Variants in LRRC7 observed in about 807,000 individuals in gnomAD.
LRRC7 encodes the protein leucine-rich repeat-containing protein 7.
In LRRC7, 23 loss-of-function variants were observed where a neutral mutation model predicts 175.7. That is an observed-to-expected ratio of 0.13 (90% CI 0.09 to 0.19). The LOEUF (loss-of-function observed/expected upper bound fraction) is 0.19, where lower values mean the gene tolerates loss of function less well. Ranked by LOEUF, LRRC7 falls within the 10% of genes least tolerant of loss-of-function variation. LRRC7 has a pLI of 1.00. For synonymous variants in LRRC7, 685 were observed against 680.9 expected (o/e 1.01, Z -0.09); for missense variants, 1,354 against 1,904.7 (o/e 0.71, Z 5.38).
intron 25 of LRRC7, among the ~76,000 whole-genome samples, chr1:70,094,691 C>A (rs926959000): frequency 9.9e-5 from 15 of 152,074 alleles, no homozygotes; most frequent in East Asian, 5.8e-4. Flanking sequence ...AAAGAAGGAC[C>A]CTTAGACATG....
chr1:69,680,075 C>A (rs1247593769), intron 2 of LRRC7, among the ~76,000 whole-genome samples: 1 of 152,112 alleles, frequency 6.6e-6, no homozygotes, highest in Non-Finnish European at 1.5e-5. Flanking sequence ...GAACCCTGGT[C>A]CAGGCCAGTG....
chr1:69,640,575 T>A (rs933065368), intron 1 of LRRC7, among the ~76,000 whole-genome samples: 17 of 150,814 alleles, frequency 1.1e-4, no homozygotes, highest in Non-Finnish European at 3.0e-5. Context: ...ATTATGTTAA[T>A]ATAAATAAAT....
intron 15 of LRRC7, among the ~76,000 whole-genome samples, chr1:70,020,425 C>T (rs1283410164): frequency 6.6e-6 from 1 of 151,950 alleles, no homozygotes; most frequent in Non-Finnish European, 1.5e-5. Flanking sequence ...ACAAGCTCCC[C>T]TCATTGACCC....
At chr1:70,107,702 G>T in intron 25 of LRRC7, 50 bp from the exon 26 acceptor site, 1 of 1,371,240 alleles carries the variant, frequency 7.3e-7, no homozygotes, top group Non-Finnish European at 1.0e-6. Flanking sequence ...GTTTAAGTAG[G>T]CCTGGTTCTT....
chr1:69,693,732 G>A (rs1360423292), intron 2 of LRRC7, among the ~76,000 whole-genome samples: 1 of 152,154 alleles, frequency 6.6e-6, no homozygotes, highest in Admixed American at 6.5e-5. Context: ...CACAAAATTA[G>A]CATCACAAGT....
intron 1 of LRRC7, among the ~76,000 whole-genome samples, chr1:69,593,275 TAAAG>T (rs1209407583): frequency 1.3e-5 from 2 of 152,018 alleles, no homozygotes; most frequent in South Asian, 2.1e-4. Flanking sequence ...TCGTGAAAAA[TAAAG>T]TAAGGTCATG....
intron 8 of LRRC7, among the ~76,000 whole-genome samples, chr1:69,933,096 C>T (rs1242469848): frequency 3.9e-5 from 6 of 152,176 alleles, no homozygotes; most frequent in Non-Finnish European, 7.4e-5. Context: ...GTGATGGGCC[C>T]TCACCAGCCA....
chr1:70,068,009 G>A (rs528760422), intron 23 of LRRC7, among the ~76,000 whole-genome samples: 2 of 152,108 alleles, frequency 1.3e-5, no homozygotes, highest in South Asian at 4.1e-4. Context: ...AGATTTTTTG[G>A]TTGTTGATTC....
chr1:70,075,637 C>T (rs956106130), intron 23 of LRRC7, among the ~76,000 whole-genome samples: 2 of 152,134 alleles, frequency 1.3e-5, no homozygotes, highest in African/African-American at 2.4e-5. Context: ...CTCATCTGAA[C>T]AAACTTACTT....
At chr1:69,754,378 A>C (rs868796740) in intron 2 of LRRC7, among the ~76,000 whole-genome samples, 1 of 152,028 alleles carries the variant, frequency 6.6e-6, no homozygotes, top group Non-Finnish European at 1.5e-5. Context: ...TGTTTAGGGT[A>C]TTTAATGTTT....
At chr1:69,995,880 T>C (rs1460967746) in intron 11 of LRRC7, among the ~76,000 whole-genome samples, 1 of 151,018 alleles carries the variant, frequency 6.6e-6, no homozygotes, top group East Asian at 1.9e-4. Context: ...GCATGTGTCT[T>C]TATAGCAGCA....
intron 21 of LRRC7, among the ~76,000 whole-genome samples, chr1:70,041,948 T>G (rs1472144502): frequency 6.6e-6 from 1 of 152,246 alleles, no homozygotes; most frequent in Non-Finnish European, 1.5e-5. Context: ...CAAACTCATG[T>G]ATTTTTCATT....
At position 70,043,953 on chromosome 1, in the gene LRRC7, G is replaced by T. The variant is rs1265024587; in HGVS notation, c.3970-1G>T. 4 of 1,605,004 alleles carry T rather than the reference G, an allele frequency of 2.5e-6. No homozygotes were observed. In the South Asian group the frequency reaches 4.4e-5, roughly 18 times the overall value. On this transcript the variant is annotated splice_acceptor_variant, in intron 21 of 26. Transcript: ENST00000651989. LOFTEE classifies it high-confidence loss of function. ...GTCACATGATTATTTCCTCTACTCA[G>T]AATGCTGCTTACAAACACAATACAG...
intron 8 of LRRC7, among the ~76,000 whole-genome samples, chr1:69,939,033 A>ATATATC (rs1553178495): frequency 2.9e-5 from 2 of 69,280 alleles, no homozygotes; most frequent in African/African-American, 8.0e-5. Context: ...ATATATATCT[A>ATATATC]TATATATCTA....
chr1:69,904,967 C>T (rs1486924783), intron 7 of LRRC7, among the ~76,000 whole-genome samples: 2 of 152,114 alleles, frequency 1.3e-5, no homozygotes, highest in Admixed American at 1.3e-4. Flanking sequence ...TAACACCCTC[C>T]ATTATGTATA....
At chr1:69,967,037 G>A (rs543337824) in intron 8 of LRRC7, among the ~76,000 whole-genome samples, 2 of 152,324 alleles carry the variant, frequency 1.3e-5, no homozygotes, top group South Asian at 2.1e-4. Flanking sequence ...GCAGCTGGGA[G>A]GCAGGTAGCC....
chr1:69,897,827 C>G (rs1646023258), intron 7 of LRRC7, among the ~76,000 whole-genome samples: 1 of 152,182 alleles, frequency 6.6e-6, no homozygotes, highest in Admixed American at 6.5e-5. Flanking sequence ...TTTGAAGAGT[C>G]TTTGAAGATA....
intron 7 of LRRC7, among the ~76,000 whole-genome samples, chr1:69,867,797 T>C (rs1477126816): frequency 1.3e-5 from 2 of 152,158 alleles, no homozygotes; most frequent in East Asian, 3.8e-4. Flanking sequence ...TGCTTGATGC[T>C]TGGGTGAATT....
At chr1:69,842,452 G>A (rs934275131) in intron 7 of LRRC7, among the ~76,000 whole-genome samples, 1 of 152,094 alleles carries the variant, frequency 6.6e-6, no homozygotes, top group African/African-American at 2.4e-5. Flanking sequence ...TGAAGAAAAA[G>A]AAACATAAAT....
Sources: allele counts gnomAD v4.1 joint callset (sites outside exome capture counted in the v4.1 genomes callset), GRCh38; gene constraint gnomAD v4.1.1; transcripts MANE v1.5; gene names NCBI Gene and HGNC (gene_info 2026-07-23, HGNC 2026-07-21).